The following PTCD1 variants were observed in gnomAD, a reference collection of about 807,000 sequenced individuals.
PTCD1 encodes the protein pentatricopeptide repeat-containing protein 1, mitochondrial.
Under a neutral mutation model 53.4 loss-of-function variants are expected in PTCD1, and 50 were observed. That is an observed-to-expected ratio of 0.94 (90% confidence interval 0.75 to 1.19). The LOEUF (loss-of-function observed/expected upper bound fraction) is 1.19. Among genes scored for constraint, PTCD1 ranks in the 50% most tolerant of loss-of-function variants. The pLI is 0.00. For missense variants in PTCD1, 918 were observed against 904.8 expected (o/e 1.01, Z -0.19); for synonymous variants, 413 against 394.8 (o/e 1.05, Z -0.55).
At chr7:99,421,491 TC>T in intron 7 of PTCD1, among the ~76,000 whole-genome samples, 1 of 143,118 alleles carries the variant, frequency 7.0e-6, no homozygotes, top group East Asian at 2.1e-4. Flanking sequence ...ACAACTATAA[TC>T]CCAGCACTTT....
Position 99,417,918 on chromosome 7 carries a change from A to T in PTCD1, c.*2049T>A, listed in dbSNP as rs1266402518. ...TGACATCAGGGAAGGACAACCAGTGAGTTCCTGTCCCTTTCAGTCCTCACA... is the reference window on the plus strand; with the variant it reads ...TGACATCAGGGAAGGACAACCAGTGTGTTCCTGTCCCTTTCAGTCCTCACA... On this transcript the variant is annotated 3_prime_UTR_variant, in exon 8 of 8. Coordinates refer to ENST00000292478, the MANE Select transcript of PTCD1 (RefSeq NM_015545.4). 7.7e-7 allele frequency: 1 copy of T among 1,297,812 alleles called. No individual in the cohort carries two copies. The highest frequency in any genetic ancestry group is 1.5e-5 in the African/African-American group (1 of 66,412). The allele number at this position is 1,297,812 out of a possible 1,614,324, so 80.4% of individuals were successfully genotyped here.
At chr7:99,426,771 G>T (rs1363037560) in intron 5 of PTCD1, among the ~76,000 whole-genome samples, 5 of 151,258 alleles carry the variant, frequency 3.3e-5, no homozygotes, top group Admixed American at 2.6e-4. Flanking sequence ...AGGAAGTGAG[G>T]AGCATCTCTG....
At chr7:99,438,566 C>T (rs1796592112) in intron 1 of PTCD1, 126 bp downstream of exon 1, 2 of 1,131,998 alleles carry the variant, frequency 1.8e-6, no homozygotes, top group Admixed American at 5.5e-5. Flanking sequence ...TCCACACGGA[C>T]TTCTGCAGCC....
chr7:99,425,650 T>C (rs1485366520), intron 5 of PTCD1, 34 bp from the exon 6 acceptor site: 1 of 1,586,484 alleles, frequency 6.3e-7, no homozygotes, highest in Admixed American at 1.8e-5. Flanking sequence ...AGCTGGGTGC[T>C]CCCATTCAGC....
In PTCD1 at chr7:99,419,574, T is replaced by TATCA. The variant is rs1384674210; in HGVS notation, c.*389_*392dup. On this transcript the variant is annotated 3_prime_UTR_variant, in exon 8 of 8. Coordinates refer to ENST00000292478, the MANE Select transcript of PTCD1 (RefSeq NM_015545.4). ...TCTCTATGGGGAAGGCTTCGCTGTC[T>TATCA]ATCAGCTGTGATTTGTAAAAATAAA... 1.3e-5 allele frequency: 13 copies of TATCA among 997,910 alleles called. No homozygotes were observed. In the East Asian group the frequency reaches 2.4e-4, roughly 19 times the overall value. The allele number at this position is 997,910 out of a possible 1,614,324, so 61.8% of individuals were successfully genotyped here. A position where few individuals can be genotyped will look rare whatever the true frequency, so the allele number is the denominator to read the frequency against.
rs1481697586 is a variant in PTCD1, at chr7:99,425,166, C to T, written c.1366G>A (p.Gly456Arg). ...CGGTCAGCTGGGGTGGTCACCGTTC[C>T]AAAGGAGACCACTGTAGGGGGAACG... is the stretch of plus-strand genomic sequence containing the variant. ...GAVPPTVVSFGTVTTPADRLA... is the reference protein window; with the variant it reads ...GAVPPTVVSFRTVTTPADRLA... Residue 456 changes from glycine to arginine, a missense_variant, in exon 6 of 8, where the codon GGA becomes AGA. Transcript: ENST00000292478. 6.2e-7 allele frequency: 1 copy of T among 1,614,058 alleles called. No individual in the cohort carries two copies. The highest frequency in any genetic ancestry group is 2.2e-5 in the East Asian group (1 of 44,882).
chr7:99,422,333 C>T (rs1489563488), intron 7 of PTCD1, among the ~76,000 whole-genome samples: 10 of 152,180 alleles, frequency 6.6e-5, no homozygotes, highest in Admixed American at 4.6e-4. Flanking sequence ...CCGCCCCATC[C>T]GGGCTGTGCT....
intron 3 of PTCD1, among the ~76,000 whole-genome samples, chr7:99,432,458 A>T (rs1258906010): frequency 6.6e-6 from 1 of 151,976 alleles, no homozygotes; most frequent in African/African-American, 2.4e-5. Flanking sequence ...TGACACAGAG[A>T]CCTTTGCTCA....
At chr7:99,437,726 A>G (rs944253221) in intron 1 of PTCD1, among the ~76,000 whole-genome samples, 13 of 151,946 alleles carry the variant, frequency 8.6e-5, no homozygotes, top group African/African-American at 2.9e-4. Flanking sequence ...GTGGGGTGGT[A>G]CAATCTCGGC....
At chr7:99,432,617 C>T (rs762935407) in intron 3 of PTCD1, among the ~76,000 whole-genome samples, 12 of 149,004 alleles carry the variant, frequency 8.1e-5, no homozygotes, top group Non-Finnish European at 1.2e-4. Context: ...CGCAGGTCCT[C>T]CGTATGCGGG....
chr7:99,421,777 A>T (rs1040665345), intron 7 of PTCD1, among the ~76,000 whole-genome samples: 1 of 152,152 alleles, frequency 6.6e-6, no homozygotes, highest in Admixed American at 6.5e-5. Context: ...AGGAAAATGC[A>T]TCTATTGCTG....
chr7:99,421,268 T>C (rs908341680), intron 7 of PTCD1, among the ~76,000 whole-genome samples: 1 of 151,916 alleles, frequency 6.6e-6, no homozygotes, highest in South Asian at 2.1e-4. Flanking sequence ...AGTGAAACCC[T>C]ATCTAAAAGA....
chr7:99,431,785 T>C lies in PTCD1; in HGVS notation c.594+1493A>G, dbSNP rs145060151. 2.0e-4 allele frequency among the ~76,000 whole-genome samples: 30 copies of C among 152,298 alleles called. 2 individuals carry two copies. In the East Asian group the frequency reaches 5.8e-3, roughly 29 times the overall value. On this transcript the variant is annotated intron_variant, in intron 3 of 7. Transcript: ENST00000292478. The stretch of plus-strand genomic sequence containing the variant: ...GAAAAAGAAAGAGAGATCAGACTGT[T>C]ACTGTGTCTATGTAGAAAGAAGTAG...
chr7:99,417,117 CACG>C lies in PTCD1; in HGVS notation c.*2847_*2849del, dbSNP rs1795528685. 1 of 270,710 alleles carries C rather than the reference CACG, an allele frequency of 3.7e-6. No homozygotes were observed. The highest frequency in any genetic ancestry group is 5.1e-5 in the Admixed American group (1 of 19,458). The allele number at this position is 270,710 out of a possible 1,614,324, so 16.8% of individuals were successfully genotyped here. On this transcript the variant is annotated 3_prime_UTR_variant, in exon 8 of 8. Coordinates refer to ENST00000292478, the MANE Select transcript of PTCD1 (RefSeq NM_015545.4). ...TGTCACCCAGGCTGGAGTCCAGTGG[CACG>C]ACCTCAGGTCACTACAACCTCCGCC...
At position 99,419,562 on chromosome 7, in the gene PTCD1, G is replaced by A. The variant is rs704799; in HGVS notation, c.*405C>T. 10 of 1,117,144 alleles carry A rather than the reference G, an allele frequency of 9.0e-6. No individual in the cohort carries two copies. Among genetic ancestry groups the A allele is most frequent in the Non-Finnish European group, 1.2e-5 (9 of 756,526 alleles). The allele number at this position is 1,117,144 out of a possible 1,614,324, so 69.2% of individuals were successfully genotyped here. On this transcript the variant is annotated 3_prime_UTR_variant, in exon 8 of 8. Coordinates refer to ENST00000292478, the MANE Select transcript of PTCD1 (RefSeq NM_015545.4). Reference sequence around the variant, plus strand: ...GTTGGAGCACGGTCTCTATGGGGAAGGCTTCGCTGTCTATCAGCTGTGATT... The same window carrying A: ...GTTGGAGCACGGTCTCTATGGGGAAAGCTTCGCTGTCTATCAGCTGTGATT...
intron 1 of PTCD1, among the ~76,000 whole-genome samples, chr7:99,438,123 G>C (rs1265680580): frequency 6.6e-6 from 1 of 151,932 alleles, no homozygotes. Context: ...CCCCACCCTG[G>C]TTAAAAAAAA....
chr7:99,420,037 C>G lies in PTCD1; in HGVS notation c.2033G>C (p.Arg678Pro). 1.2e-6 allele frequency: 2 copies of G among 1,614,178 alleles called. No homozygotes were observed. The highest frequency in any genetic ancestry group is 1.7e-6 in the Non-Finnish European group (2 of 1,180,016). Residue 678 changes from arginine (R) to proline (P), a missense_variant, in exon 8 of 8, where the codon CGG (arginine) becomes CCG (proline). Arg to Pro is a moderately radical substitution (Grantham distance 103). Transcript: ENST00000292478. The part of the protein sequence containing the change: ...EETPHPWQKF[R>P]TKPQGDQDTG... ...GTCCTGGTCCCCCTGGGGCTTGGTC[C>G]GGAACTTCTGCCAGGGGTGCGGGGT...
intron 4 of PTCD1, 51 bp from the exon 5 acceptor site, chr7:99,429,255 A>G (rs775518314): frequency 6.2e-7 from 1 of 1,600,808 alleles, no homozygotes; most frequent in Non-Finnish European, 8.6e-7. Flanking sequence ...CAGGCTGGGC[A>G]TGGTAGCTCA....
chr7:99,433,452 A>T, intron 2 of PTCD1, 34 bp from the exon 3 acceptor site: 1 of 1,613,812 alleles, frequency 6.2e-7, no homozygotes, highest in African/African-American at 1.3e-5. Flanking sequence ...AGGGGCTCAG[A>T]ATGGCCCCAG....
Sources: gnomAD v4.1 joint callset for allele counts (sites outside exome capture counted in the v4.1 genomes callset) on GRCh38, gnomAD v4.1.1 for gene constraint, MANE v1.5 for transcripts, NCBI Gene and HGNC (gene_info 2026-07-23, HGNC 2026-07-21) for gene names.